The following KNDC1 variants were observed in gnomAD, a reference collection of about 807,000 sequenced individuals.
The protein encoded by KNDC1 is kinase non-catalytic C-lobe domain containing 1.
In KNDC1, 106 loss-of-function variants were observed where a neutral mutation model predicts 172.8. The observed-to-expected ratio is 0.61, with a 90% confidence interval of 0.52 to 0.72. The LOEUF (loss-of-function observed/expected upper bound fraction) is 0.72, where lower values mean the gene tolerates loss of function less well. KNDC1 is among the 30% of genes least tolerant of loss of function. The pLI, the probability that KNDC1 is intolerant of heterozygous loss-of-function variation, is 0.00. For synonymous variants in KNDC1, 1,083 were observed against 1,062.2 expected, an observed-to-expected ratio of 1.02 and a Z score of -0.38; for missense variants, 2,325 against 2,394.5, an observed-to-expected ratio of 0.97 and a Z score of 0.61.
chr10:133,188,159 A>G (rs1240045214), intron 6 of KNDC1, among the ~76,000 whole-genome samples: 1 of 152,068 alleles, frequency 6.6e-6, no homozygotes, highest in Non-Finnish European at 1.5e-5. Context: ...CGTGTTGGCT[A>G]TTTCGAGCCG....
intron 1 of KNDC1, among the ~76,000 whole-genome samples, chr10:133,166,254 C>T (rs1853148102): frequency 6.6e-6 from 1 of 152,188 alleles, no homozygotes; most frequent in African/African-American, 2.4e-5. Context: ...CTGCCTCCTC[C>T]TCACGGGCCC....
rs28478158 is a variant in KNDC1 at position 133,169,289 on chromosome 10, G to A, written c.360+977G>A. On this transcript the variant is annotated intron_variant, in intron 3 of 29. Coordinates refer to ENST00000304613, the MANE Select transcript of KNDC1 (RefSeq NM_152643.8). Reference sequence around the variant, plus strand: ...CAGCCTGGCCAACATGGCGAACCCCGTCTCTACTAAAAATACAAAAGTTAG... The same window carrying A: ...CAGCCTGGCCAACATGGCGAACCCCATCTCTACTAAAAATACAAAAGTTAG... 3.7e-3 allele frequency among the ~76,000 whole-genome samples: 558 copies of A among 152,242 alleles called. 1 individual carries two copies. The highest frequency in any genetic ancestry group is 0.019 in the East Asian group (100 of 5,176).
chr10:133,221,049 T>C (rs528917403), intron 29 of KNDC1, among the ~76,000 whole-genome samples: 2 of 152,206 alleles, frequency 1.3e-5, no homozygotes, highest in Admixed American at 1.3e-4. Context: ...CTGCTGTCCA[T>C]GGTCCCAAAA....
chr10:133,201,336 C>G (rs1404538894), intron 16 of KNDC1, among the ~76,000 whole-genome samples, 165 bp from the exon 17 acceptor site: 1 of 152,194 alleles, frequency 6.6e-6, no homozygotes, highest in East Asian at 1.9e-4. Context: ...CAGCATCTCC[C>G]CTGCACTGGG....
rs750624756 is a variant in KNDC1 at position 133,198,478 on chromosome 10, C to T, written c.2048C>T (p.Ala683Val). Residue 683 changes from alanine to valine, a missense_variant, in exon 13 of 30, where the codon GCG becomes GTG. Ala to Val is a moderately conservative substitution (Grantham distance 64). Coordinates refer to ENST00000304613, the MANE Select transcript of KNDC1 (RefSeq NM_152643.8). The stretch of plus-strand genomic sequence containing the variant: ...ACGCACTTCAAGCCCATTGTCCTCG[C>T]GCAGAACGCAAGTGTGGCCAGGTGA... ...EATHFKPIVL[A>V]QNASVARDQP... is the part of the protein sequence containing the mutation. The T allele has an allele frequency of 1.6e-5, 25 of 1,606,372 alleles. 1 individual carries two copies. In the East Asian group the frequency reaches 1.8e-4, roughly 12 times the overall value.
Position 133,209,896 on chromosome 10 carries a change from A to G in KNDC1, c.3795-715A>G, listed in dbSNP as rs1197889636. On this transcript the variant is annotated intron_variant, in intron 20 of 29. Coordinates refer to ENST00000304613, the MANE Select transcript of KNDC1 (RefSeq NM_152643.8). This position sits in a 1 kb window ranked among gnomAD's most constrained non-coding sequence, Gnocchi z 4.9. ...TGACCGTGGCCGTCGGGCTCCCAGG[A>G]CAGTCCCAGACCTGCAGGCGGGGCC... is the stretch of plus-strand genomic sequence containing the variant. Among the ~76,000 whole-genome samples the G allele has an allele frequency of 6.6e-6, 1 of 152,068 alleles. No homozygotes were observed. The highest frequency in any genetic ancestry group is 1.9e-4 in the East Asian group (1 of 5,178).
intron 3 of KNDC1, 144 bp downstream of exon 3, chr10:133,168,456 T>G (rs1308464482): frequency 7.3e-6 from 6 of 820,180 alleles, no homozygotes; most frequent in Non-Finnish European, 1.0e-5. Context: ...CCCGGTTCAC[T>G]GGGCTATAGG....
chr10:133,177,280 CTG>C (rs1286328330), intron 3 of KNDC1, among the ~76,000 whole-genome samples: 2 of 151,908 alleles, frequency 1.3e-5, no homozygotes, highest in Non-Finnish European at 2.9e-5. Context: ...TGTATGTGGT[CTG>C]GCATATGTGT....
At chr10:133,214,172 C>G (rs779206493) in intron 26 of KNDC1, 50 bp downstream of exon 26, 13 of 1,600,466 alleles carry the variant, frequency 8.1e-6, no homozygotes, top group Non-Finnish European at 1.1e-5. Context: ...GGCCCACCTA[C>G]GCGGGGGTGG....
Position 133,206,940 on chromosome 10 carries a change from A to C in KNDC1, c.3566A>C (p.Lys1189Thr), listed in dbSNP as rs762929863. The C allele has an allele frequency of 6.2e-7, 1 of 1,613,880 alleles. No homozygotes were observed. The highest frequency in any genetic ancestry group is 1.3e-5 in the African/African-American group (1 of 74,958). Residue 1189 changes from lysine (K) to threonine (T), a missense_variant, in exon 19 of 30, where the codon AAG becomes ACG. Transcript: ENST00000304613. ...AGGGTGCAATTCCTCAGCTTGGTCA[A>C]GAAGTATCTGCAGGCAAGTGGGCTC... is the stretch of plus-strand genomic sequence containing the variant. ...KSRVQFLSLV[K>T]KYLQVMYAER...
At chr10:133,208,833 G>A (rs1221192794) in intron 20 of KNDC1, among the ~76,000 whole-genome samples, 1 of 152,020 alleles carries the variant, frequency 6.6e-6, no homozygotes, top group Non-Finnish European at 1.5e-5. Context: ...TGTGTGATGT[G>A]CTTTGTTGTG....
At chr10:133,191,732 A>C (rs1334447602) in intron 9 of KNDC1, among the ~76,000 whole-genome samples, 1 of 152,188 alleles carries the variant, frequency 6.6e-6, no homozygotes, top group African/African-American at 2.4e-5. Context: ...CCCCAACAAA[A>C]GCCTGGGTCT....
rs367668325 is a variant in KNDC1 at position 133,212,770 on chromosome 10, G to A, written c.4291G>A (p.Glu1431Lys). The change falls in exon 24 of 30, where the codon GAG becomes AAG. Residue 1431 changes from glutamate to lysine, a missense_variant. Physicochemically the swap from Glu to Lys is moderately conservative, Grantham distance 56. Coordinates refer to ENST00000304613, the MANE Select transcript of KNDC1 (RefSeq NM_152643.8). ...CGGGCTGGTGCTGCCGCCACACAAG[G>A]AGCGCCCCTACACCATTGCTGCCGC... ...GNGLVLPPHKERPYTIAAALP... is the reference protein window; with the variant it reads ...GNGLVLPPHKKRPYTIAAALP... The A allele has an allele frequency of 1.1e-4, 176 of 1,613,850 alleles. No homozygotes were observed. The highest frequency in any genetic ancestry group is 1.8e-4 in the Admixed American group (11 of 60,022).
At chr10:133,166,149 G>A (rs925146133) in intron 1 of KNDC1, among the ~76,000 whole-genome samples, 1 of 152,218 alleles carries the variant, frequency 6.6e-6, no homozygotes, top group African/African-American at 2.4e-5. Flanking sequence ...GAGGCAGGAG[G>A]TGCCTCTCAG....
At chr10:133,193,104 G>C (rs909828599) in intron 9 of KNDC1, among the ~76,000 whole-genome samples, 5 of 152,192 alleles carry the variant, frequency 3.3e-5, no homozygotes, top group African/African-American at 1.2e-4. Context: ...ACACATATGG[G>C]GGGGGAAAAC....
At chr10:133,202,557 A>C in intron 17 of KNDC1, 1 of 454,172 alleles carries the variant, frequency 2.2e-6, no homozygotes, top group South Asian at 1.6e-5. Flanking sequence ...GGAGGGGCCC[A>C]GTGGCCATCA....
intron 9 of KNDC1, among the ~76,000 whole-genome samples, chr10:133,193,598 A>G (rs1433981937): frequency 6.6e-6 from 1 of 152,152 alleles, no homozygotes; most frequent in Non-Finnish European, 1.5e-5. Context: ...AAGGAGAAGG[A>G]AGGAGGAAGA....
At chr10:133,191,554 G>A (rs1476805583) in intron 9 of KNDC1, among the ~76,000 whole-genome samples, 2 of 152,062 alleles carry the variant, frequency 1.3e-5, no homozygotes, top group Admixed American at 6.6e-5. Context: ...ACAAAAATTA[G>A]CCAGGGGTGG....
chr10:133,181,735 A>G (rs959495007), intron 3 of KNDC1, among the ~76,000 whole-genome samples: 4 of 152,068 alleles, frequency 2.6e-5, no homozygotes, highest in African/African-American at 7.2e-5. Flanking sequence ...GCAGCTGGGG[A>G]GAGAGAAGAG....
Sources: gnomAD v4.1 joint callset for allele counts (sites outside exome capture counted in the v4.1 genomes callset) on GRCh38, gnomAD v4.1.1 for gene constraint, Gnocchi (gnomAD v3.1) non-coding constraint, MANE v1.5 for transcripts, NCBI Gene and HGNC (gene_info 2026-07-23, HGNC 2026-07-21) for gene names.